Variants in SYNE2 observed in about 807,000 individuals in gnomAD.
SYNE2 encodes the protein spectrin repeat containing nuclear envelope protein 2.
SYNE2 carries 431 observed loss-of-function variants against 856.3 expected under a neutral mutation model. The ratio of observed to expected loss-of-function variants is 0.50; its 90% CI spans 0.47 to 0.55. The LOEUF (loss-of-function observed/expected upper bound fraction) is 0.55, where lower values mean the gene tolerates loss of function less well. Among genes scored for constraint, SYNE2 ranks in the 20% least tolerant of loss-of-function variants. The pLI, the probability that SYNE2 is intolerant of heterozygous loss-of-function variation, is 0.00. For missense variants in SYNE2, 8,129 were observed against 8,023.2 expected, an observed-to-expected ratio of 1.01 and a Z score of -0.50; for synonymous variants, 2,923 against 2,872.3, an observed-to-expected ratio of 1.02 and a Z score of -0.56.
intron 1 of SYNE2, among the ~76,000 whole-genome samples, chr14:63,894,423 T>C (rs1566734578): frequency 6.6e-6 from 1 of 152,104 alleles, no homozygotes; most frequent in South Asian, 2.1e-4. Context: ...CATTTTGCTA[T>C]GTTGCCCAGG....
At position 63,976,616 on chromosome 14, in the gene SYNE2, A is replaced by G. The variant is rs1309015681; in HGVS notation, c.1182A>G (p.Gln394=). ...LNYALPPPLH[Q]TEAWLQEVEE... ...ATGCCTTGCCCCCACCCCTCCATCA[A>G]ACTGAAGCTTGGCTCCAGGAGGTAG... The change falls in exon 12 of 116, where the codon CAA becomes CAG. Residue 394 remains glutamine, a synonymous_variant. Transcript: ENST00000555002. The G allele has an allele frequency of 6.2e-7, 1 of 1,612,736 alleles. No individual in the cohort carries two copies. The highest frequency in any genetic ancestry group is 1.1e-5 in the South Asian group (1 of 90,988).
At chr14:63,837,336 G>A (rs987156049) in intron 1 of SYNE2, among the ~76,000 whole-genome samples, 6 of 152,144 alleles carry the variant, frequency 3.9e-5, no homozygotes, top group African/African-American at 1.4e-4. Context: ...CTAAAACTAT[G>A]AAACTCTTAG....
Position 64,024,392 on chromosome 14 carries a change from G to C in SYNE2, c.5773G>C (p.Glu1925Gln), listed in dbSNP as rs1337937953. Residue 1925 changes from glutamate to glutamine, a missense_variant, in exon 39 of 116, where the codon GAA becomes CAA. This residue lies in a region of SYNE2 where 2,422 missense variants were observed against 2,357.4 expected (regional missense o/e 1.03). Coordinates refer to ENST00000555002, the MANE Select transcript of SYNE2 (RefSeq NM_182914.3). ...GCTCGTGGGTCAGGAATTCGAATTAGAAAAAATGGAGTCCATATGCCAGGC... is the reference window on the plus strand; with the variant it reads ...GCTCGTGGGTCAGGAATTCGAATTACAAAAAATGGAGTCCATATGCCAGGC... The part of the protein sequence containing the change: ...SWLVGQEFEL[E>Q]KMESICQARA... 1 of 1,614,046 alleles carries C rather than the reference G, an allele frequency of 6.2e-7. No homozygotes were observed. The highest frequency in any genetic ancestry group is 8.5e-7 in the Non-Finnish European group (1 of 1,180,014).
intron 100 of SYNE2, chr14:64,204,511 A>G (rs2098595995): frequency 6.6e-6 from 1 of 152,252 alleles, no homozygotes; most frequent in South Asian, 2.1e-4. Context: ...GAAGTGTGAC[A>G]GAACATTAAA....
intron 89 of SYNE2, among the ~76,000 whole-genome samples, chr14:64,164,775 CAG>C (rs2098361513): frequency 6.6e-6 from 1 of 152,178 alleles, no homozygotes; most frequent in Admixed American, 6.6e-5. Context: ...AGTGAAAAAT[CAG>C]GGGGCTTCTG....
At chr14:63,780,304 C>T (rs370630206) in intron 1 of SYNE2, among the ~76,000 whole-genome samples, 106 of 152,044 alleles carry the variant, frequency 7.0e-4, no homozygotes, top group Admixed American at 1.8e-3. Context: ...GAGGCCGAGG[C>T]GGGCAGACGA....
At chr14:63,991,186 T>A in intron 21 of SYNE2, 71 bp downstream of exon 21, 3 of 1,423,006 alleles carry the variant, frequency 2.1e-6, no homozygotes, top group Non-Finnish European at 3.0e-6. Context: ...AATCAAGATG[T>A]TTCCTTCACT....
chr14:63,826,494 G>A (rs1427703843), intron 1 of SYNE2, among the ~76,000 whole-genome samples: 1 of 152,058 alleles, frequency 6.6e-6, no homozygotes, highest in Non-Finnish European at 1.5e-5. Context: ...TAGAGATGGG[G>A]TATCACCATG....
At chr14:64,091,097 A>C in intron 60 of SYNE2, 49 bp downstream of exon 60, 1 of 1,580,190 alleles carries the variant, frequency 6.3e-7, no homozygotes, top group East Asian at 2.3e-5. Context: ...AATGTTCACC[A>C]AAAGCTGGTT....
intron 45 of SYNE2, among the ~76,000 whole-genome samples, chr14:64,043,615 A>G (rs2097165042): frequency 6.6e-6 from 1 of 152,228 alleles, no homozygotes. Flanking sequence ...GCCAAGGAAC[A>G]GCTCGGGCTG....
At chr14:64,216,067 C>A in intron 107 of SYNE2, 181 bp from the exon 108 acceptor site, 1 of 1,503,540 alleles carries the variant, frequency 6.7e-7, no homozygotes, top group Non-Finnish European at 8.9e-7. Flanking sequence ...AGTGAAGGCA[C>A]AGTGTTGCTG....
chr14:64,190,258 G>T, intron 99 of SYNE2, 21 bp downstream of exon 99: 2 of 1,613,802 alleles, frequency 1.2e-6, no homozygotes, highest in South Asian at 1.1e-5. Context: ...GGCTAAAAAT[G>T]ATTACTCTCC....
intron 2 of SYNE2, among the ~76,000 whole-genome samples, chr14:63,937,525 GGTT>G (rs1024985331): frequency 8.5e-5 from 13 of 152,200 alleles, no homozygotes; most frequent in African/African-American, 3.1e-4. Context: ...CACTTTTGCA[GGTT>G]GTTAGATGAG....
At position 64,165,411 on chromosome 14, in the gene SYNE2, G is replaced by C; in HGVS notation, c.16605+1G>C. ...AAAAGAAAATCCTGACTCATTCCTG[G>C]TATTGCCAATATTTGTCTTTTCTAA... On this transcript the variant is annotated splice_donor_variant, in intron 90 of 115. Transcript: ENST00000555002. LOFTEE classifies it high-confidence loss of function. 6.2e-7 allele frequency: 1 copy of C among 1,613,234 alleles called. No homozygotes were observed. Among genetic ancestry groups the C allele is most frequent in the Non-Finnish European group, 8.5e-7 (1 of 1,179,774 alleles).
intron 50 of SYNE2, among the ~76,000 whole-genome samples, chr14:64,063,142 C>T (rs184758459): frequency 1.8e-4 from 28 of 152,284 alleles, no homozygotes; most frequent in African/African-American, 6.7e-4. Context: ...CTCCCGGCTT[C>T]AAGTGATTTG....
At chr14:64,118,032 G>A (rs1172657576) in intron 66 of SYNE2, among the ~76,000 whole-genome samples, 2 of 151,474 alleles carry the variant, frequency 1.3e-5, no homozygotes, top group Non-Finnish European at 2.9e-5. Flanking sequence ...TAAAAGCATA[G>A]ATAAAGGGGC....
intron 97 of SYNE2, among the ~76,000 whole-genome samples, chr14:64,187,019 C>T (rs1302108000): frequency 6.6e-6 from 1 of 152,192 alleles, no homozygotes; most frequent in Non-Finnish European, 1.5e-5. Flanking sequence ...GAGTACTCTG[C>T]ATTCACAGGA....
At chr14:64,160,866 G>T (rs2098323985) in intron 87 of SYNE2, among the ~76,000 whole-genome samples, 1 of 151,890 alleles carries the variant, frequency 6.6e-6, no homozygotes, top group South Asian at 2.1e-4. Flanking sequence ...CTGTATCTGA[G>T]CATTATCATA....
In SYNE2 at chr14:64,140,039, T is replaced by C. The variant is rs1194695654; in HGVS notation, c.14942T>C (p.Leu4981Ser). ...KEQSLNVSQD[L>S]DTIRSNINNF... is the part of the protein sequence containing the mutation. The stretch of plus-strand genomic sequence containing the variant: ...CAGTCCCTCAATGTGTCTCAGGACT[T>C]GGATACAATCAGAAGCAACATCAAC... The change falls in exon 80 of 116, where the codon TTG becomes TCG. Residue 4981 changes from leucine (L) to serine (S), a missense_variant. Coordinates refer to ENST00000555002, the MANE Select transcript of SYNE2 (RefSeq NM_182914.3). The C allele has an allele frequency of 1.2e-6, 2 of 1,613,974 alleles. No individual in the cohort carries two copies. Among genetic ancestry groups the C allele is most frequent in the South Asian group, 2.2e-5 (2 of 91,078 alleles).
Sources: gnomAD v4.1 joint callset for allele counts (sites outside exome capture counted in the v4.1 genomes callset) on GRCh38, gnomAD v4.1.1 for gene constraint, gnomAD v4.1.1 regional missense constraint, MANE v1.5 for transcripts, NCBI Gene and HGNC (gene_info 2026-07-23, HGNC 2026-07-21) for gene names.